The following ITPKB variants were observed in gnomAD, a reference collection of about 807,000 sequenced individuals.
The protein encoded by ITPKB is inositol-trisphosphate 3-kinase B.
In ITPKB, 13 loss-of-function variants were observed where a neutral mutation model predicts 69.4. That is an observed-to-expected ratio of 0.19 (90% CI 0.12 to 0.30). The LOEUF is 0.30. Among genes scored for constraint, ITPKB ranks in the 10% least tolerant of loss-of-function variants. The probability of loss-of-function intolerance (pLI) is 1.00; values close to 1 mark genes in which losing one functional copy is unlikely to be tolerated. For synonymous variants in ITPKB, 584 were observed against 513.7 expected (o/e 1.14, Z -1.85); for missense variants, 1,240 against 1,250.5 (o/e 0.99, Z 0.13).
chr1:226,728,707 T>G (rs999882476), intron 2 of ITPKB, among the ~76,000 whole-genome samples: 4 of 152,168 alleles, frequency 2.6e-5, no homozygotes, highest in Admixed American at 2.0e-4. Flanking sequence ...ATGTACCAGG[T>G]ACAGTGCTAG....
chr1:226,730,356 T>G (rs1657553499), intron 2 of ITPKB, among the ~76,000 whole-genome samples: 1 of 152,216 alleles, frequency 6.6e-6, no homozygotes, highest in Non-Finnish European at 1.5e-5. Flanking sequence ...CCACTCCACT[T>G]TTCAAATTAC....
At position 226,737,105 on chromosome 1, in the gene ITPKB, G is replaced by A. The variant is rs374890098; in HGVS notation, c.354C>T (p.Thr118=). Residue 118 remains threonine, a synonymous_variant, in exon 2 of 8, where the codon ACC becomes ACT. Coordinates refer to ENST00000429204, the MANE Select transcript of ITPKB (RefSeq NM_002221.4). ...GDRQQVVAAG[T]LSPPGPEEAK... ...CCTCCTCCGGCCCTGGCGGGGAGAG[G>A]GTACCGGCTGCCACCACCTGCTGCC... 6.8e-6 allele frequency: 11 copies of A among 1,606,262 alleles called. No individual in the cohort carries two copies. Among genetic ancestry groups the A allele is most frequent in the Admixed American group, 1.7e-5 (1 of 60,002 alleles).
chr1:226,680,191 G>A (rs534475690), intron 2 of ITPKB, among the ~76,000 whole-genome samples: 10 of 152,190 alleles, frequency 6.6e-5, no homozygotes, highest in Non-Finnish European at 1.3e-4. Context: ...CGCAGCGCCC[G>A]CGACCACGTG....
At chr1:226,655,855 G>C (rs867414928) in intron 2 of ITPKB, among the ~76,000 whole-genome samples, 4 of 152,210 alleles carry the variant, frequency 2.6e-5, no homozygotes, top group Non-Finnish European at 5.9e-5. Context: ...GCAGACACTT[G>C]TATGTCGTGA....
In ITPKB at chr1:226,642,571, C is replaced by T. The variant is rs192648105; in HGVS notation, c.2247-446G>A. Among the ~76,000 whole-genome samples the T allele has an allele frequency of 2.2e-3, 328 of 152,148 alleles. 3 individuals carry two copies. The highest frequency in any genetic ancestry group is 7.4e-3 in the African/African-American group (309 of 41,502). Reference sequence around the variant, plus strand: ...GGCTGGCCTCACAAAGCCCAAGGAGCTCCTCCTCGGGAGACCCCCACAGGA... The same window carrying T: ...GGCTGGCCTCACAAAGCCCAAGGAGTTCCTCCTCGGGAGACCCCCACAGGA... On this transcript the variant is annotated intron_variant, in intron 4 of 7. Transcript: ENST00000429204. The surrounding 1 kb of genome is among the most constrained non-coding windows in gnomAD (Gnocchi z 6.4).
In ITPKB at chr1:226,658,951, C is replaced by T. The variant is rs912118951; in HGVS notation, c.1933-10180G>A. Among the ~76,000 whole-genome samples the T allele has an allele frequency of 2.6e-5, 4 of 152,164 alleles. 1 individual carries two copies. Among genetic ancestry groups the T allele is most frequent in the African/African-American group, 9.7e-5 (4 of 41,446 alleles). ...AACTAGCTCCAGGTGAGCGCTCTGT[C>T]CCCTCCACACCCAATCAGGCTGCGA... On this transcript the variant is annotated intron_variant, in intron 2 of 7. Coordinates refer to ENST00000429204, the MANE Select transcript of ITPKB (RefSeq NM_002221.4).
chr1:226,707,165 C>A, intron 2 of ITPKB: 4 of 648,488 alleles, frequency 6.2e-6, no homozygotes, highest in Non-Finnish European at 7.7e-6. Context: ...AACATTATTG[C>A]CAAATAAAGT....
In ITPKB at chr1:226,728,916, C is replaced by T. The variant is rs188224652; in HGVS notation, c.1932+6611G>A. ...AAACTTGCATTCCCAGGGCTTGATT[C>T]CCTTTCTTTGTTCTTCACCTTCCAG... On this transcript the variant is annotated intron_variant, in intron 2 of 7. Transcript: ENST00000429204. 3.9e-5 allele frequency among the ~76,000 whole-genome samples: 6 copies of T among 152,294 alleles called. No individual in the cohort carries two copies. In the East Asian group the frequency reaches 1.2e-3, roughly 29 times the overall value.
chr1:226,647,974 G>A (rs542076486), intron 3 of ITPKB, among the ~76,000 whole-genome samples: 2 of 152,366 alleles, frequency 1.3e-5, no homozygotes, highest in Admixed American at 1.3e-4. Context: ...GGCCTGAGGA[G>A]GCTGGTGAAG....
intron 2 of ITPKB, among the ~76,000 whole-genome samples, chr1:226,677,299 T>C (rs1218425699): frequency 3.3e-5 from 5 of 152,142 alleles, no homozygotes; most frequent in African/African-American, 1.2e-4. Flanking sequence ...GATTCACCCT[T>C]CTCTATTATT....
chr1:226,671,750 T>C lies in ITPKB; in HGVS notation c.1933-22979A>G, dbSNP rs367590108. Among the ~76,000 whole-genome samples the C allele has an allele frequency of 1.7e-3, 256 of 152,268 alleles. 2 individuals are homozygous for C. The highest frequency in any genetic ancestry group is 6.0e-3 in the African/African-American group (249 of 41,542). On this transcript the variant is annotated intron_variant, in intron 2 of 7. Transcript: ENST00000429204. ...CTGAGCCATACACAGGCAGAGGGTA[T>C]GGCACTGCAGACAGAGGGAGCGGTC...
intron 2 of ITPKB, among the ~76,000 whole-genome samples, chr1:226,691,628 C>G (rs1656355137): frequency 6.6e-6 from 1 of 152,274 alleles, no homozygotes; most frequent in South Asian, 2.1e-4. Flanking sequence ...TATGGAGGAA[C>G]AATGAAAAGA....
chr1:226,728,450 T>C (rs1657487497), intron 2 of ITPKB, among the ~76,000 whole-genome samples: 1 of 152,200 alleles, frequency 6.6e-6, no homozygotes, highest in South Asian at 2.1e-4. Context: ...GTGAAATGAT[T>C]GTAACAAGTC....
At position 226,718,796 on chromosome 1, in the gene ITPKB, C is replaced by T. The variant is rs187395234; in HGVS notation, c.1932+16731G>A. ...AAAATGGTGAAGCCACTCTGGAGAG[C>T]AGTGTGGCAGTTTCGTAAAATATGA... On this transcript the variant is annotated intron_variant, in intron 2 of 7. Coordinates refer to ENST00000429204, the MANE Select transcript of ITPKB (RefSeq NM_002221.4). 4.2e-3 allele frequency among the ~76,000 whole-genome samples: 644 copies of T among 152,320 alleles called. 18 individuals carry two copies. The highest frequency in any genetic ancestry group is 0.036 in the Admixed American group (552 of 15,296).
intron 2 of ITPKB, among the ~76,000 whole-genome samples, chr1:226,718,781 A>G (rs1657157719): frequency 6.6e-6 from 1 of 152,222 alleles, no homozygotes; most frequent in Non-Finnish European, 1.5e-5. Context: ...AAAATGGTGA[A>G]GCCACTCTGG....
chr1:226,715,096 C>G (rs1247526206), intron 2 of ITPKB, among the ~76,000 whole-genome samples: 1 of 152,232 alleles, frequency 6.6e-6, no homozygotes, highest in Non-Finnish European at 1.5e-5. Flanking sequence ...AGACATGTCA[C>G]TTAACTTCTC....
rs1161472905 is a variant in ITPKB, at chr1:226,641,727, C to G, written c.2451+194G>C. On this transcript the variant is annotated intron_variant, in intron 5 of 7. Transcript: ENST00000429204. The surrounding 1 kb of genome is among the most constrained non-coding windows in gnomAD (Gnocchi z 4.6). The stretch of plus-strand genomic sequence containing the variant: ...GGCTAGAAGCCACTCTGCTCTGAGG[C>G]CTGAGCCCCCTACACAGCCATCCCG... Among the ~76,000 whole-genome samples the G allele has an allele frequency of 6.6e-6, 1 of 152,266 alleles. No homozygotes were observed. Among genetic ancestry groups the G allele is most frequent in the African/African-American group, 2.4e-5 (1 of 41,480 alleles).
chr1:226,693,056 G>A (rs959031357), intron 2 of ITPKB, among the ~76,000 whole-genome samples: 7 of 152,206 alleles, frequency 4.6e-5, no homozygotes, highest in African/African-American at 1.7e-4. Context: ...AGGGAGCAAG[G>A]CAGGCATGTG....
Position 226,737,536 on chromosome 1 carries a change from C to A in ITPKB, c.-78G>T, listed in dbSNP as rs1208687201. On this transcript the variant is annotated 5_prime_UTR_variant, in exon 2 of 8. Coordinates refer to ENST00000429204, the MANE Select transcript of ITPKB (RefSeq NM_002221.4). ...CCGGCGCCTCCTCCTCCCGGCGCTC[C>A]CGGCTCAGCCCCGGAGGCCCGGCAG... The A allele has an allele frequency of 1.5e-6, 2 of 1,320,224 alleles. No individual in the cohort carries two copies. The highest frequency in any genetic ancestry group is 2.5e-5 in the South Asian group (1 of 39,346). 81.8% of individuals were successfully genotyped at this position (1,320,224 alleles called of 1,614,324 possible).
Sources: gnomAD v4.1 joint callset for allele counts (sites outside exome capture counted in the v4.1 genomes callset) on GRCh38, gnomAD v4.1.1 for gene constraint, Gnocchi (gnomAD v3.1) non-coding constraint, MANE v1.5 for transcripts, NCBI Gene and HGNC (gene_info 2026-07-23, HGNC 2026-07-21) for gene names.